CLNK: variants seen among roughly 807,000 people sequenced by gnomAD.
CLNK encodes the protein cytokine dependent hematopoietic cell linker, also known as cytokine-dependent hematopoietic cell linker.
A neutral mutation model predicts 68.6 loss-of-function variants in CLNK; 74 were observed. That is an observed-to-expected ratio of 1.08 (90% CI 0.89 to 1.31). The LOEUF is 1.31. CLNK is among the 50% of genes most tolerant of loss of function. The pLI is 0.00. For synonymous variants in CLNK, 198 were observed against 172.2 expected (o/e 1.15, Z -1.17); for missense variants, 553 against 515.3 (o/e 1.07, Z -0.71).
intron 2 of CLNK, among the ~76,000 whole-genome samples, chr4:10,604,337 A>G (rs2108849438): frequency 6.6e-6 from 1 of 152,348 alleles, no homozygotes; most frequent in East Asian, 1.9e-4. Flanking sequence ...CAAGTGATCG[A>G]TGTCCATTTT....
chr4:10,724,904 A>G, the CLNK span, among the ~76,000 whole-genome samples: 1 of 152,148 alleles, frequency 6.6e-6, no homozygotes, highest in Non-Finnish European at 1.5e-5. Context: ...AGCCTATTTA[A>G]TCTCAATTAT....
intron 2 of CLNK, among the ~76,000 whole-genome samples, chr4:10,663,948 G>A (rs1724296735): frequency 6.6e-6 from 1 of 152,116 alleles, no homozygotes; most frequent in African/African-American, 2.4e-5. Context: ...GAATCAGGAA[G>A]CACTCTCACC....
At chr4:10,557,984 C>T (rs16869829) in intron 8 of CLNK, among the ~76,000 whole-genome samples, 1 of 152,242 alleles carries the variant, frequency 6.6e-6, no homozygotes, top group Non-Finnish European at 1.5e-5. Context: ...AGGCTCGTAC[C>T]TGTATTTTCG....
chr4:10,648,234 A>G (rs528423962), intron 2 of CLNK, among the ~76,000 whole-genome samples: 2 of 152,202 alleles, frequency 1.3e-5, no homozygotes, highest in East Asian at 1.9e-4. Context: ...CTCAAGTGGC[A>G]TCAGGGGACC....
chr4:10,699,241 CAT>C, the CLNK span, among the ~76,000 whole-genome samples: 155 of 51,586 alleles, frequency 3.0e-3, 4 homozygotes, highest in African/African-American at 0.011. Context: ...TATACACACA[CAT>C]ACACACCACG....
At chr4:10,635,383 C>A (rs1383697137) in intron 2 of CLNK, among the ~76,000 whole-genome samples, 1 of 152,108 alleles carries the variant, frequency 6.6e-6, no homozygotes, top group Non-Finnish European at 1.5e-5. Context: ...ACTGATCGAC[C>A]CTGTCCACCT....
upstream of CLNK, chr4:10,684,814 GA>G (rs1291730166): frequency 1.3e-5 from 2 of 152,194 alleles, no homozygotes; most frequent in Non-Finnish European, 2.9e-5. Flanking sequence ...CCCTTCAGCA[GA>G]AAACCTCCTG....
the CLNK span, among the ~76,000 whole-genome samples, chr4:10,731,310 T>A: frequency 6.6e-6 from 1 of 152,246 alleles, no homozygotes; most frequent in Non-Finnish European, 1.5e-5. Flanking sequence ...ATATTCTTTT[T>A]CTGAGACAGT....
At position 10,487,279 on chromosome 4, in the gene CLNK, G is replaced by T. The variant is rs1033777071; in HGVS notation, c.*3188C>A. 5 of 152,194 alleles carry T rather than the reference G, an allele frequency of 3.3e-5. No homozygotes were observed. Among genetic ancestry groups the T allele is most frequent in the African/African-American group, 1.2e-4 (5 of 41,432 alleles). 9.4% of individuals were successfully genotyped at this position (152,194 alleles called of 1,614,324 possible). On this transcript the variant is annotated 3_prime_UTR_variant, in exon 19 of 19. Coordinates refer to ENST00000226951, the MANE Select transcript of CLNK (RefSeq NM_052964.4). ...TAGGATAATTGCATATGGAGACCTT[G>T]GTTCCAGTCGCGACTATGTCACTGT... is the stretch of plus-strand genomic sequence containing the variant.
chr4:10,701,956 G>T, the CLNK span, among the ~76,000 whole-genome samples: 1 of 152,182 alleles, frequency 6.6e-6, no homozygotes, highest in Non-Finnish European at 1.5e-5. Context: ...CTATTCAGAG[G>T]CAAAGGCACT....
At chr4:10,642,702 C>A (rs1407145440) in intron 2 of CLNK, among the ~76,000 whole-genome samples, 3 of 152,144 alleles carry the variant, frequency 2.0e-5, no homozygotes, top group Admixed American at 6.5e-5. Context: ...AACAATGACC[C>A]AACCTAACTC....
chr4:10,517,943 T>C lies in CLNK; in HGVS notation c.772+2848A>G, dbSNP rs79222084. 7.8e-3 allele frequency among the ~76,000 whole-genome samples: 1,191 copies of C among 152,304 alleles called. 11 individuals carry two copies. The highest frequency in any genetic ancestry group is 0.013 in the Non-Finnish European group (850 of 67,996). ...GAATGAATGAAAGAAATTCTGACTA[T>C]GTAACTCACTATAAGTATTTAGTTG... On this transcript the variant is annotated intron_variant, in intron 15 of 18. Transcript: ENST00000226951.
intron 2 of CLNK, among the ~76,000 whole-genome samples, chr4:10,646,871 G>A (rs1233305617): frequency 6.6e-6 from 1 of 152,154 alleles, no homozygotes; most frequent in Non-Finnish European, 1.5e-5. Flanking sequence ...TGATTTCACA[G>A]CCATAGATTT....
chr4:10,552,610 C>T (rs1219769304), intron 8 of CLNK, among the ~76,000 whole-genome samples: 1 of 151,996 alleles, frequency 6.6e-6, no homozygotes, highest in East Asian at 1.9e-4. Flanking sequence ...AGCTTCAAAC[C>T]CCTATAATTT....
intron 2 of CLNK, among the ~76,000 whole-genome samples, chr4:10,601,045 C>T (rs61795156): frequency 0.028 from 4,251 of 152,286 alleles, 71 homozygotes; most frequent in Non-Finnish European, 0.044. Flanking sequence ...TGGACTCAAA[C>T]TCTCTTTTTA....
At chr4:10,686,892 T>C (rs1725289973), upstream of CLNK, among the ~76,000 whole-genome samples, 2 of 152,078 alleles carry the variant, frequency 1.3e-5, no homozygotes, top group South Asian at 4.1e-4. Context: ...ATAGTGTAGG[T>C]GATATTTAAA....
At chr4:10,535,259 G>GAAAGAAAGAA (rs1444548008) in intron 11 of CLNK, among the ~76,000 whole-genome samples, 5 of 137,768 alleles carry the variant, frequency 3.6e-5, no homozygotes, top group South Asian at 2.3e-4. Context: ...AAGAAAGAAA[G>GAAAGAAAGAA]AAAGAAAAAA....
chr4:10,501,331 T>C lies in CLNK; in HGVS notation c.1065A>G (p.Lys355=). Residue 355 remains lysine, a synonymous_variant, in exon 18 of 19, where the codon AAA becomes AAG. Coordinates refer to ENST00000226951, the MANE Select transcript of CLNK (RefSeq NM_052964.4). ...PYVLAVFYEN[K]VYNVKIRFLE... is the part of the protein sequence containing the mutation. ...GGAAGCGTATTTTTACATTGTAGAC[T>C]TTGTTCTCATAAAACACAGCCAAAA... 1 of 1,609,888 alleles carries C rather than the reference T, an allele frequency of 6.2e-7. No homozygotes were observed. The highest frequency in any genetic ancestry group is 1.1e-5 in the South Asian group (1 of 90,180).
intron 2 of CLNK, among the ~76,000 whole-genome samples, chr4:10,606,826 A>G (rs189479203): frequency 6.6e-6 from 1 of 152,186 alleles, no homozygotes; most frequent in Admixed American, 6.5e-5. Context: ...CTGTTTTTCT[A>G]TAGAGCTCTG....
Sources: gnomAD v4.1 joint callset for allele counts (sites outside exome capture counted in the v4.1 genomes callset) on GRCh38, gnomAD v4.1.1 for gene constraint, MANE v1.5 for transcripts, NCBI Gene and HGNC (gene_info 2026-07-23, HGNC 2026-07-21) for gene names.